UNC5C: variants seen among roughly 807,000 people sequenced by gnomAD.
The protein encoded by UNC5C is netrin receptor UNC5C.
Under a neutral mutation model 99.8 loss-of-function variants are expected in UNC5C, and 47 were observed. The ratio of observed to expected loss-of-function variants is 0.47; its 90% CI spans 0.37 to 0.60. The LOEUF (loss-of-function observed/expected upper bound fraction) is 0.60, where lower values mean the gene tolerates loss of function less well. UNC5C is among the 20% of genes least tolerant of loss of function. The probability of loss-of-function intolerance (pLI) is 0.00; values close to 1 mark genes in which losing one functional copy is unlikely to be tolerated. For missense variants in UNC5C, 1,062 were observed against 1,165.9 expected (o/e 0.91, Z 1.30); for synonymous variants, 487 against 452.2 (o/e 1.08, Z -0.98).
chr4:95,180,005 AC>A (rs11372697), intron 14 of UNC5C, among the ~76,000 whole-genome samples: 4 of 150,642 alleles, frequency 2.7e-5, no homozygotes, highest in Non-Finnish European at 4.4e-5. Flanking sequence ...TTGATGACAG[AC>A]CCCCCCCACG....
At chr4:95,229,377 T>C (rs574398804) in intron 7 of UNC5C, among the ~76,000 whole-genome samples, 3 of 152,128 alleles carry the variant, frequency 2.0e-5, no homozygotes, top group Non-Finnish European at 4.4e-5. Flanking sequence ...CATGCAGTGT[T>C]TGGTTTTCTG....
chr4:95,509,194 A>C (rs950087030), intron 1 of UNC5C, among the ~76,000 whole-genome samples: 1 of 151,744 alleles, frequency 6.6e-6, no homozygotes, highest in African/African-American at 2.4e-5. Flanking sequence ...GCCCAGAGAA[A>C]ATTTTTTTGT....
chr4:95,358,017 A>G (rs1744269032), intron 1 of UNC5C, among the ~76,000 whole-genome samples: 1 of 152,150 alleles, frequency 6.6e-6, no homozygotes. Flanking sequence ...ACTTGGTGCT[A>G]TCATAAACCA....
intron 1 of UNC5C, among the ~76,000 whole-genome samples, chr4:95,525,617 A>AAAAAAAAAAC (rs1722480146): frequency 6.7e-6 from 1 of 148,720 alleles, no homozygotes; most frequent in Admixed American, 6.7e-5. Flanking sequence ...AAAAAAAAAA[A>AAAAAAAAAAC]AGACATACAC....
chr4:95,545,772 G>GCACA (rs3975180), intron 1 of UNC5C, among the ~76,000 whole-genome samples: 7,815 of 148,368 alleles, frequency 0.053, 213 homozygotes, highest in Non-Finnish European at 0.059. Flanking sequence ...GCGCGCGCGC[G>GCACA]CACACACACA....
rs1721201607 is a variant in UNC5C at position 95,482,780 on chromosome 4, G to A, written c.124+65954C>T. On this transcript the variant is annotated intron_variant, in intron 1 of 15. Coordinates refer to ENST00000453304, the MANE Select transcript of UNC5C (RefSeq NM_003728.4). ...AAGGACAAAAAACCAAACACCGCGT[G>A]TTCTCACTCATAGATGGGAATTGAA... 2.5e-5 allele frequency among the ~76,000 whole-genome samples: 3 copies of A among 121,530 alleles called. No homozygotes were observed. In the Admixed American group the frequency reaches 2.6e-4, roughly 11 times the overall value. 79.7% of individuals were successfully genotyped at this position (121,530 alleles called of 152,430 possible).
chr4:95,174,162 A>G (rs1579197133), intron 14 of UNC5C, among the ~76,000 whole-genome samples: 1 of 151,574 alleles, frequency 6.6e-6, no homozygotes, highest in Non-Finnish European at 1.5e-5. Flanking sequence ...CTAGCAGTCT[A>G]TCAATTTTAT....
intron 1 of UNC5C, among the ~76,000 whole-genome samples, chr4:95,349,574 T>A (rs1373232411): frequency 6.6e-6 from 1 of 151,620 alleles, no homozygotes; most frequent in Admixed American, 6.6e-5. Context: ...CTTTTTGAGC[T>A]TTTATTCAAA....
chr4:95,186,276 C>T (rs926408922), intron 12 of UNC5C, among the ~76,000 whole-genome samples: 4 of 152,096 alleles, frequency 2.6e-5, no homozygotes, highest in Non-Finnish European at 5.9e-5. Flanking sequence ...TTCTTTGGTG[C>T]TATTTCAATA....
Position 95,386,978 on chromosome 4 carries a change from ATTCT to A in UNC5C, c.125-51351_125-51348del. Among the ~76,000 whole-genome samples the A allele has an allele frequency of 2.0e-5, 3 of 152,322 alleles. No homozygotes were observed. The South Asian group carries it at 6.2e-4, about 32-fold the overall frequency. ...GGCTTGGACATTTGCTGCAATGTTT[ATTCT>A]AAAGTCTGGTCTTCTAGAGACACTT... On this transcript the variant is annotated intron_variant, in intron 1 of 15. Coordinates refer to ENST00000453304, the MANE Select transcript of UNC5C (RefSeq NM_003728.4).
intron 1 of UNC5C, among the ~76,000 whole-genome samples, chr4:95,444,010 T>C (rs1006532188): frequency 2.6e-5 from 4 of 152,202 alleles, no homozygotes; most frequent in Non-Finnish European, 4.4e-5. Flanking sequence ...AATTCCTTAG[T>C]CTTGTACCAT....
intron 1 of UNC5C, among the ~76,000 whole-genome samples, chr4:95,483,129 T>C (rs1310331861): frequency 6.6e-6 from 1 of 151,010 alleles, no homozygotes. Context: ...TATGCCTGGG[T>C]TTTGGCTCTG....
At chr4:95,370,297 A>C (rs2149438410) in intron 1 of UNC5C, among the ~76,000 whole-genome samples, 1 of 152,178 alleles carries the variant, frequency 6.6e-6, no homozygotes, top group Non-Finnish European at 1.5e-5. Flanking sequence ...GATTAATTTC[A>C]TTTGTTTTTT....
chr4:95,489,759 C>A (rs1480669423), intron 1 of UNC5C, among the ~76,000 whole-genome samples: 8 of 151,502 alleles, frequency 5.3e-5, no homozygotes, highest in African/African-American at 1.9e-4. Flanking sequence ...GAATGGGATG[C>A]AGAGGAGGAA....
At chr4:95,522,723 T>C (rs1722392366) in intron 1 of UNC5C, among the ~76,000 whole-genome samples, 2 of 152,176 alleles carry the variant, frequency 1.3e-5, no homozygotes, top group East Asian at 1.9e-4. Context: ...AGAATAATTT[T>C]TGAAATCATT....
intron 4 of UNC5C, among the ~76,000 whole-genome samples, chr4:95,270,731 C>A (rs945529102): frequency 6.6e-6 from 1 of 152,030 alleles, no homozygotes; most frequent in African/African-American, 2.4e-5. Context: ...ATAAAATAAC[C>A]AAAACCTAAA....
rs202151191 is a variant in UNC5C, at chr4:95,200,863, GC to G, written c.2136+1867del. Among the ~76,000 whole-genome samples the G allele has an allele frequency of 7.9e-5, 12 of 151,582 alleles. No homozygotes were observed. In the East Asian group the frequency reaches 1.2e-3, roughly 15 times the overall value. On this transcript the variant is annotated intron_variant, in intron 12 of 15. Transcript: ENST00000453304. ...GTCACTGTTATGGAGTGATATCTGT[GC>G]CCCCCCCAAATTCATACGTTGTAAT...
intron 1 of UNC5C, among the ~76,000 whole-genome samples, chr4:95,417,679 A>T (rs1746206076): frequency 6.6e-6 from 1 of 152,168 alleles, no homozygotes; most frequent in Non-Finnish European, 1.5e-5. Flanking sequence ...GGCAGGAAGG[A>T]ACGGGGGCAG....
chr4:95,446,859 G>A (rs573913415), intron 1 of UNC5C, among the ~76,000 whole-genome samples: 1 of 152,286 alleles, frequency 6.6e-6, no homozygotes, highest in East Asian at 1.9e-4. Flanking sequence ...TGTTGATTGT[G>A]CATGACCAGT....
Sources: gnomAD v4.1 joint callset for allele counts (sites outside exome capture counted in the v4.1 genomes callset) on GRCh38, gnomAD v4.1.1 for gene constraint, MANE v1.5 for transcripts, NCBI Gene and HGNC (gene_info 2026-07-23, HGNC 2026-07-21) for gene names.